Variants in ATF7IP observed in about 807,000 individuals in gnomAD.
The protein encoded by ATF7IP is activating transcription factor 7-interacting protein 1.
ATF7IP carries 23 observed loss-of-function variants against 106.4 expected under a neutral mutation model. The ratio of observed to expected loss-of-function variants is 0.22; its 90% confidence interval spans 0.16 to 0.31. The LOEUF (loss-of-function observed/expected upper bound fraction) is 0.31. Ranked by LOEUF, ATF7IP falls within the 10% of genes least tolerant of loss-of-function variation. The pLI, the probability that ATF7IP is intolerant of heterozygous loss-of-function variation, is 1.00. For missense variants in ATF7IP, 1,334 were observed against 1,524.3 expected, an observed-to-expected ratio of 0.88 and a Z score of 2.08; for synonymous variants, 542 against 539.0, an observed-to-expected ratio of 1.01 and a Z score of -0.08.
chr12:14,465,130 C>G (rs981264773), intron 9 of ATF7IP, among the ~76,000 whole-genome samples: 2 of 152,084 alleles, frequency 1.3e-5, no homozygotes, highest in African/African-American at 4.8e-5. Context: ...ACGTGAGAAT[C>G]TCGAACCTGG....
At chr12:14,429,624 G>C (rs1942027030) in intron 2 of ATF7IP, among the ~76,000 whole-genome samples, 1 of 152,158 alleles carries the variant, frequency 6.6e-6, no homozygotes, top group Non-Finnish European at 1.5e-5. Context: ...CATTAGACTA[G>C]AATTTGAGAC....
intron 13 of ATF7IP, among the ~76,000 whole-genome samples, chr12:14,491,414 A>G (rs1488734181): frequency 1.3e-5 from 2 of 152,208 alleles, no homozygotes; most frequent in African/African-American, 2.4e-5. Context: ...TAGAAATTTT[A>G]CTGAGGTAGA....
rs1335114688 is a variant in ATF7IP at position 14,423,981 on chromosome 12, T to C, written c.66T>C (p.Asp22=). 2 of 1,613,982 alleles carry C rather than the reference T, an allele frequency of 1.2e-6. No individual in the cohort carries two copies. The highest frequency in any genetic ancestry group is 1.7e-6 in the Non-Finnish European group (2 of 1,180,008). ...FKARKTMRVS[D]RQQLEAVYKV... The stretch of plus-strand genomic sequence containing the variant: ...CTCGAAAAACGATGAGAGTGAGTGA[T>C]CGTCAGCAACTTGAAGCAGTGTACA... Residue 22 remains aspartate, a synonymous_variant, in exon 2 of 15, where the codon GAT becomes GAC. Transcript: ENST00000261168.
At chr12:14,433,846 A>G (rs958445207) in intron 2 of ATF7IP, among the ~76,000 whole-genome samples, 17 of 152,184 alleles carry the variant, frequency 1.1e-4, no homozygotes, top group Non-Finnish European at 2.1e-4. Flanking sequence ...AGTTTTTATT[A>G]TATTTGGGAT....
At chr12:14,493,568 G>A (rs1944899800) in intron 13 of ATF7IP, among the ~76,000 whole-genome samples, 2 of 152,130 alleles carry the variant, frequency 1.3e-5, no homozygotes, top group African/African-American at 4.8e-5. Flanking sequence ...CCACTACTGG[G>A]GATGGGGAAG....
chr12:14,401,692 AT>A (rs1940209411), intron 1 of ATF7IP, among the ~76,000 whole-genome samples: 2 of 100,752 alleles, frequency 2.0e-5, no homozygotes, highest in Non-Finnish European at 4.4e-5. Flanking sequence ...TGTTTTTAGC[AT>A]TGTTTCACTT....
intron 13 of ATF7IP, among the ~76,000 whole-genome samples, chr12:14,493,782 G>A (rs1944906546): frequency 6.6e-6 from 1 of 152,124 alleles, no homozygotes; most frequent in Non-Finnish European, 1.5e-5. Context: ...AAGAGCTTGT[G>A]TCTGTTTTTC....
intron 1 of ATF7IP, among the ~76,000 whole-genome samples, chr12:14,397,343 A>G (rs1443050704): frequency 6.6e-6 from 1 of 152,218 alleles, no homozygotes; most frequent in African/African-American, 2.4e-5. Context: ...GTATTTAGCA[A>G]GCAATGTAGA....
chr12:14,488,216 A>G (rs1002891016), intron 13 of ATF7IP, among the ~76,000 whole-genome samples: 1 of 152,092 alleles, frequency 6.6e-6, no homozygotes, highest in Admixed American at 6.6e-5. Flanking sequence ...ACACACACGT[A>G]TCCTATAAAT....
At chr12:14,449,004 T>C (rs1369604670) in intron 6 of ATF7IP, among the ~76,000 whole-genome samples, 1 of 152,182 alleles carries the variant, frequency 6.6e-6, no homozygotes, top group Admixed American at 6.5e-5. Flanking sequence ...AGTTCCTTAT[T>C]TTTGTTGTTG....
intron 10 of ATF7IP, among the ~76,000 whole-genome samples, chr12:14,470,859 T>A (rs1944017846): frequency 6.6e-6 from 1 of 152,228 alleles, no homozygotes; most frequent in African/African-American, 2.4e-5. Context: ...ATTGTATCTG[T>A]CAGTTTATGA....
chr12:14,455,766 T>G (rs574974649), intron 6 of ATF7IP, among the ~76,000 whole-genome samples: 1 of 152,090 alleles, frequency 6.6e-6, no homozygotes, highest in African/African-American at 2.4e-5. Context: ...TGTATTTTTT[T>G]TTTAGAGATG....
At chr12:14,492,195 C>A (rs1236217858) in intron 13 of ATF7IP, among the ~76,000 whole-genome samples, 5 of 152,174 alleles carry the variant, frequency 3.3e-5, no homozygotes, top group Non-Finnish European at 5.9e-5. Flanking sequence ...CACTGTAAGT[C>A]AGACCTGAGA....
intron 1 of ATF7IP, among the ~76,000 whole-genome samples, chr12:14,420,925 C>T (rs945649329): frequency 3.3e-5 from 5 of 152,194 alleles, no homozygotes; most frequent in African/African-American, 1.2e-4. Flanking sequence ...TGGTAAGTGA[C>T]TATCCAATGT....
intron 6 of ATF7IP, among the ~76,000 whole-genome samples, chr12:14,447,524 A>G (rs931376415): frequency 4.6e-5 from 7 of 152,066 alleles, no homozygotes; most frequent in African/African-American, 9.7e-5. Flanking sequence ...TCAGGAGTCC[A>G]TCTACCTTGG....
intron 1 of ATF7IP, among the ~76,000 whole-genome samples, chr12:14,397,880 C>CTATT: frequency 6.6e-6 from 1 of 152,192 alleles, no homozygotes; most frequent in Middle Eastern, 3.4e-3. Flanking sequence ...TTCTCCTTGG[C>CTATT]TATTTGTTCT....
Position 14,424,165 on chromosome 12 carries a change from A to C in ATF7IP, c.250A>C (p.Ser84Arg). The stretch of plus-strand genomic sequence containing the variant: ...AGAGATTTGTTTTGATCCTGAAGGA[A>C]GTAAAGCAGAATGGAAGGAAACACC... ...IEEICFDPEGSKAEWKETPCI... is the reference protein window; with the variant it reads ...IEEICFDPEGRKAEWKETPCI... The change falls in exon 2 of 15, where the codon AGT becomes CGT. Residue 84 changes from serine (S) to arginine (R), a missense_variant. Physicochemically the swap from Ser to Arg is moderately radical, Grantham distance 110. Around this residue, in one of 10 missense-constraint regions of ATF7IP, gnomAD observed 74 missense variants for 101.9 expected, o/e 0.73. Transcript: ENST00000261168. 6.2e-7 allele frequency: 1 copy of C among 1,614,218 alleles called. No individual in the cohort carries two copies. The highest frequency in any genetic ancestry group is 8.5e-7 in the Non-Finnish European group (1 of 1,180,042).
chr12:14,429,184 T>G (rs1706236974), intron 2 of ATF7IP, among the ~76,000 whole-genome samples: 1 of 152,194 alleles, frequency 6.6e-6, no homozygotes, highest in South Asian at 2.1e-4. Flanking sequence ...GCCCTCCTAA[T>G]TTTTCTCAGT....
At chr12:14,391,274 T>C (rs1052916490) in intron 1 of ATF7IP, among the ~76,000 whole-genome samples, 1 of 152,196 alleles carries the variant, frequency 6.6e-6, no homozygotes, top group Non-Finnish European at 1.5e-5. Context: ...AAGAGGGACC[T>C]TAACACTGGA....
Sources: gnomAD v4.1 joint callset for allele counts (sites outside exome capture counted in the v4.1 genomes callset) on GRCh38, gnomAD v4.1.1 for gene constraint, gnomAD v4.1.1 regional missense constraint, MANE v1.5 for transcripts, NCBI Gene and HGNC (gene_info 2026-07-23, HGNC 2026-07-21) for gene names.